AK9: variants seen among roughly 807,000 people sequenced by gnomAD.
AK9 encodes adenylate kinase domain containing 1.
In AK9, 191 loss-of-function variants were observed where a neutral mutation model predicts 239.6. That is an observed-to-expected ratio of 0.80 (90% CI 0.71 to 0.90). The LOEUF is 0.90. Among genes scored for constraint, AK9 ranks in the 40% least tolerant of loss-of-function variants. The pLI, the probability that AK9 is intolerant of heterozygous loss-of-function variation, is 0.00. For missense variants in AK9, 1,995 were observed against 2,214.7 expected, an observed-to-expected ratio of 0.90 and a Z score of 1.99; for synonymous variants, 689 against 721.0, an observed-to-expected ratio of 0.96 and a Z score of 0.71.
chr6:109,677,791 T>C (rs1771982698), intron 1 of AK9, among the ~76,000 whole-genome samples: 1 of 152,112 alleles, frequency 6.6e-6, no homozygotes, highest in South Asian at 2.1e-4. Context: ...TCAAAGAAGA[T>C]ATACAGATGA....
At chr6:109,569,181 A>T (rs1279541094) in intron 21 of AK9, among the ~76,000 whole-genome samples, 1 of 152,240 alleles carries the variant, frequency 6.6e-6, no homozygotes, top group Non-Finnish European at 1.5e-5. Flanking sequence ...AAATGGGGAA[A>T]GGATTCCCTA....
At chr6:109,537,376 T>C (rs1562371440) in intron 27 of AK9, among the ~76,000 whole-genome samples, 1 of 152,012 alleles carries the variant, frequency 6.6e-6, no homozygotes, top group Non-Finnish European at 1.5e-5. Context: ...TTCTAGACTT[T>C]CTAGTTTATT....
chr6:109,617,764 G>A (rs1794348692), intron 13 of AK9, among the ~76,000 whole-genome samples: 1 of 152,148 alleles, frequency 6.6e-6, no homozygotes, highest in South Asian at 2.1e-4. Flanking sequence ...AAAGAGAGCA[G>A]CAAAGAATAA....
chr6:109,606,432 C>T (rs1260179931), intron 17 of AK9, among the ~76,000 whole-genome samples: 1 of 152,118 alleles, frequency 6.6e-6, no homozygotes, highest in African/African-American at 2.4e-5. Flanking sequence ...CAGATAGGTA[C>T]AGATGTTAGA....
intron 17 of AK9, among the ~76,000 whole-genome samples, chr6:109,597,401 G>C (rs1332417024): frequency 1.3e-5 from 2 of 151,956 alleles, no homozygotes; most frequent in Admixed American, 6.6e-5. Flanking sequence ...TGCCGGGCGC[G>C]GTGGCTCATG....
intron 1 of AK9, among the ~76,000 whole-genome samples, chr6:109,687,507 A>G (rs1446080119): frequency 6.6e-6 from 1 of 152,176 alleles, no homozygotes; most frequent in Non-Finnish European, 1.5e-5. Flanking sequence ...TGGAAGAAGT[A>G]AGCTGCCATG....
At chr6:109,655,485 C>T (rs892703036) in intron 8 of AK9, among the ~76,000 whole-genome samples, 1 of 152,082 alleles carries the variant, frequency 6.6e-6, no homozygotes, top group African/African-American at 2.4e-5. Context: ...AGTTTATTGT[C>T]TTTTAGTTTG....
chr6:109,520,600 G>A (rs187992573), intron 29 of AK9, among the ~76,000 whole-genome samples: 4 of 151,998 alleles, frequency 2.6e-5, no homozygotes, highest in Non-Finnish European at 5.9e-5. Context: ...TGGGGCTTCT[G>A]TTTTGGTTCC....
intron 12 of AK9, among the ~76,000 whole-genome samples, chr6:109,620,435 AT>A (rs1349670912): frequency 6.6e-6 from 1 of 151,942 alleles, no homozygotes; most frequent in African/African-American, 2.4e-5. Context: ...TTATTCACTT[AT>A]TTTTTTCTCT....
chr6:109,505,821 C>T (rs1279111073), intron 35 of AK9, among the ~76,000 whole-genome samples: 1 of 152,186 alleles, frequency 6.6e-6, no homozygotes, highest in African/African-American at 2.4e-5. Context: ...ATTTTGGCTG[C>T]TATAACCAAA....
intron 12 of AK9, 86 bp from the exon 13 acceptor site, chr6:109,619,322 C>A: frequency 1.5e-6 from 2 of 1,306,758 alleles, no homozygotes; most frequent in Non-Finnish European, 2.0e-6. Context: ...GTATATCTAT[C>A]TATATTTCTA....
At chr6:109,535,459 T>C (rs912959543) in intron 27 of AK9, among the ~76,000 whole-genome samples, 1 of 152,218 alleles carries the variant, frequency 6.6e-6, no homozygotes, top group Non-Finnish European at 1.5e-5. Context: ...GGCTGTTTGC[T>C]TTTTTCTTGT....
At chr6:109,513,165 T>C (rs958382934) in intron 32 of AK9, among the ~76,000 whole-genome samples, 6 of 152,284 alleles carry the variant, frequency 3.9e-5, no homozygotes, top group Admixed American at 6.5e-5. Context: ...GTGCCTAGTA[T>C]AGTAAATTAT....
At position 109,533,339 on chromosome 6, in the gene AK9, A is replaced by C. The variant is rs1781527348; in HGVS notation, c.3482T>G (p.Leu1161Arg). 1.2e-6 allele frequency: 2 copies of C among 1,612,220 alleles called. No homozygotes were observed. Residue 1161 changes from leucine (L) to arginine (R), a missense_variant, in exon 28 of 41, where the codon CTT becomes CGT. Around this residue, in one of 5 missense-constraint regions of AK9, gnomAD observed 1,290 missense variants for 1,392.7 expected, o/e 0.93. Transcript: ENST00000424296. ...TTTCCACTTTTCAATTTGGGCAGGA[A>C]GGAGGCGATCAAAAATATCTTGATC... ...VDDQDIFDRL[L>R]PAQIEKWKLK...
chr6:109,655,160 C>A (rs1042856149), intron 8 of AK9, among the ~76,000 whole-genome samples: 6 of 152,208 alleles, frequency 3.9e-5, no homozygotes, highest in African/African-American at 1.4e-4. Flanking sequence ...GATGGCCATA[C>A]AAATTCATAT....
chr6:109,555,116 T>G (rs533720707), intron 24 of AK9, among the ~76,000 whole-genome samples: 1 of 152,186 alleles, frequency 6.6e-6, no homozygotes, highest in Non-Finnish European at 1.5e-5. Flanking sequence ...GGTGTCGATT[T>G]GAGATCTTTC....
At chr6:109,641,836 C>G (rs912038809) in intron 9 of AK9, among the ~76,000 whole-genome samples, 1 of 152,166 alleles carries the variant, frequency 6.6e-6, no homozygotes, top group Non-Finnish European at 1.5e-5. Flanking sequence ...CATCTTCTCC[C>G]TGTGTGTCTG....
chr6:109,537,544 TCA>T (rs562775260), intron 27 of AK9, among the ~76,000 whole-genome samples: 1 of 138,924 alleles, frequency 7.2e-6, no homozygotes, highest in Admixed American at 7.2e-5. Flanking sequence ...GTTGATCTTT[TCA>T]AAAAAAGCAG....
chr6:109,516,242 C>T (rs543538021), intron 30 of AK9, among the ~76,000 whole-genome samples, 167 bp from the exon 31 acceptor site: 1 of 152,304 alleles, frequency 6.6e-6, no homozygotes, highest in East Asian at 1.9e-4. Context: ...CTCTGACCCT[C>T]TGTGGCTTCC....
Sources: allele counts gnomAD v4.1 joint callset (sites outside exome capture counted in the v4.1 genomes callset), GRCh38; gene constraint gnomAD v4.1.1; regional missense constraint gnomAD v4.1.1; transcripts MANE v1.5; gene names NCBI Gene and HGNC (gene_info 2026-07-23, HGNC 2026-07-21).